GDF1: variants seen among roughly 807,000 people sequenced by gnomAD.
GDF1 encodes growth differentiation factor 1.
GDF1 carries 8 observed loss-of-function variants against 7.4 expected under a neutral mutation model. The observed-to-expected ratio is 1.09, with a 90% CI of 0.64 to 1.96. The LOEUF is 1.96. GDF1 is among the 30% of genes most tolerant of loss of function. GDF1 has a pLI of 0.00. For synonymous variants in GDF1, 311 were observed against 276.7 expected, an observed-to-expected ratio of 1.12 and a Z score of -1.23; for missense variants, 574 against 551.5, an observed-to-expected ratio of 1.04 and a Z score of -0.41.
At chr19:18,888,842 CAACA>C (rs1232064035) in intron 2 of GDF1, among the ~76,000 whole-genome samples, 1 of 150,454 alleles carries the variant, frequency 6.6e-6, no homozygotes, top group Non-Finnish European at 1.5e-5. Flanking sequence ...AAAAAACAAA[CAACA>C]AACAAACAAA....
intron 2 of GDF1, among the ~76,000 whole-genome samples, chr19:18,888,787 G>A (rs2056422945): frequency 6.6e-6 from 1 of 150,918 alleles, no homozygotes; most frequent in Non-Finnish European, 1.5e-5. Flanking sequence ...CCAAGATCGT[G>A]GCATTGTACT....
chr19:18,888,544 A>AC (rs1568304732), intron 2 of GDF1, among the ~76,000 whole-genome samples: 2 of 147,566 alleles, frequency 1.4e-5, no homozygotes, highest in Non-Finnish European at 3.0e-5. Flanking sequence ...AAAAAAAAAA[A>AC]AACAGGCTAG....
At chr19:18,877,220 T>C (rs900975257) in intron 6 of GDF1, among the ~76,000 whole-genome samples, 1 of 152,242 alleles carries the variant, frequency 6.6e-6, no homozygotes, top group African/African-American at 2.4e-5. Flanking sequence ...ATGCCAGCTC[T>C]TACCCTGTGT....
chr19:18,878,959 C>G lies in GDF1; in HGVS notation c.-342G>C. On this transcript the variant is annotated 5_prime_UTR_variant, in exon 6 of 8. Coordinates refer to ENST00000247005, the MANE Select transcript of GDF1 (RefSeq NM_001492.6). The surrounding 1 kb of genome is among the most constrained non-coding windows in gnomAD (Gnocchi z 4.6). The stretch of plus-strand genomic sequence containing the variant: ...CTTTGCTGGGCTTCAGGCTCTGGGC[C>G]TCGGCTGTGTCATACTCCCGCAGGT... 1 of 1,613,808 alleles carries G rather than the reference C, an allele frequency of 6.2e-7. No homozygotes were observed. The highest frequency in any genetic ancestry group is 8.5e-7 in the Non-Finnish European group (1 of 1,179,854).
chr19:18,869,989 C>G lies in GDF1; in HGVS notation c.319G>C (p.Asp107His). ...CAGCGAAAGCCCCACTCACCGCGGT[C>G]CGGGATGTGGCGCACGATGTTTCCG... ...VAGNIVRHIP[D>H]RGAPTRASEP... is the part of the protein sequence containing the mutation. Residue 107 changes from aspartate (D) to histidine (H), a missense_variant, in exon 7 of 8, where the codon GAC (aspartate) becomes CAC (histidine). Coordinates refer to ENST00000247005, the MANE Select transcript of GDF1 (RefSeq NM_001492.6). 1.3e-6 allele frequency: 2 copies of G among 1,590,922 alleles called. No homozygotes were observed. The highest frequency in any genetic ancestry group is 1.7e-6 in the Non-Finnish European group (2 of 1,170,314).
intron 6 of GDF1, among the ~76,000 whole-genome samples, chr19:18,872,628 G>A (rs960918600): frequency 5.3e-5 from 8 of 151,708 alleles, no homozygotes; most frequent in Non-Finnish European, 1.2e-4. Flanking sequence ...TGATTCTCCT[G>A]CCTCAGCCCC....
intron 2 of GDF1, among the ~76,000 whole-genome samples, chr19:18,892,647 C>T (rs1292403808): frequency 6.6e-6 from 1 of 152,032 alleles, no homozygotes; most frequent in Admixed American, 6.6e-5. Flanking sequence ...CAGAACAGAA[C>T]TCAAGCTGCT....
chr19:18,883,648 A>G (rs1457338682), intron 3 of GDF1, among the ~76,000 whole-genome samples: 1 of 152,136 alleles, frequency 6.6e-6, no homozygotes, highest in African/African-American at 2.4e-5. Context: ...GTTTGGACAG[A>G]CTCCATCTGA....
At position 18,868,677 on chromosome 19, in the gene GDF1, C is replaced by T. The variant is rs1215300649; in HGVS notation, c.1039G>A (p.Val347Met). ...TTGTCGCTGTTGTCAAAGAAGAGCA[C>T]GGAGATGGGCGACAGGCGCGCGGGC... Reference protein sequence around the residue: ...CVPARLSPISVLFFDNSDNVV... With the variant: ...CVPARLSPISMLFFDNSDNVV... The change falls in exon 8 of 8, where the codon GTG becomes ATG. Residue 347 changes from valine to methionine, a missense_variant. Physicochemically the swap from Val to Met is conservative, Grantham distance 21. Transcript: ENST00000247005. 5 of 1,570,854 alleles carry T rather than the reference C, an allele frequency of 3.2e-6. No individual in the cohort carries two copies. Among genetic ancestry groups the T allele is most frequent in the Admixed American group, 3.7e-5 (2 of 54,096 alleles).
chr19:18,878,345 C>T lies in GDF1; in HGVS notation c.-313+585G>A. ...GCTTCGGACACCATCTGGCTGTCAC[C>T]CAGGGCTGGTGAGGCTCGTGGGCTA... On this transcript the variant is annotated intron_variant, in intron 6 of 7. Transcript: ENST00000247005. This position sits in a 1 kb window ranked among gnomAD's most constrained non-coding sequence, Gnocchi z 4.6. The T allele has an allele frequency of 1.0e-6, 1 of 986,156 alleles. No individual in the cohort carries two copies. The highest frequency in any genetic ancestry group is 1.2e-6 in the Non-Finnish European group (1 of 830,654). The allele number at this position is 986,156 out of a possible 1,614,324, so 61.1% of individuals were successfully genotyped here.
chr19:18,868,864 C>T lies in GDF1; in HGVS notation c.852G>A (p.Trp284Ter). 1 of 1,440,958 alleles carries T rather than the reference C, an allele frequency of 6.9e-7. No homozygotes were observed. Among genetic ancestry groups the T allele is most frequent in the Non-Finnish European group, 9.2e-7 (1 of 1,089,712 alleles). The allele number at this position is 1,440,958 out of a possible 1,614,324, so 89.3% of individuals were successfully genotyped here. Residue 284 changes from tryptophan to a stop codon, truncating the protein, a stop_gained, in exon 8 of 8, where the codon TGG becomes TGA. Transcript: ENST00000247005. LOFTEE classifies it low-confidence loss of function (END_TRUNC). ...CCAGGAAGCCGCGCGGCGCGATGAC[C>T]CAGCGGTGCCAGCCCACCTCGCGGA... ...VSFREVGWHRWVIAPRGFLAN... is the reference protein window; with the variant it reads ...VSFREVGWHR
intron 1 of GDF1, among the ~76,000 whole-genome samples, chr19:18,894,268 C>T (rs1237794361): frequency 6.6e-6 from 1 of 151,684 alleles, no homozygotes; most frequent in Non-Finnish European, 1.5e-5. Flanking sequence ...GGTGGCGGGG[C>T]GCGGCTCCAG....
At chr19:18,886,368 T>A (rs1281133605) in intron 2 of GDF1, among the ~76,000 whole-genome samples, 3 of 151,916 alleles carry the variant, frequency 2.0e-5, no homozygotes, top group Non-Finnish European at 4.4e-5. Context: ...GTTAACACAG[T>A]GAAACCCCGT....
At position 18,878,094 on chromosome 19, in the gene GDF1, C is replaced by T; in HGVS notation, c.-313+836G>A. The T allele has an allele frequency of 1.0e-6, 1 of 985,640 alleles. No homozygotes were observed. The highest frequency in any genetic ancestry group is 1.2e-6 in the Non-Finnish European group (1 of 830,014). 61.1% of individuals were successfully genotyped at this position (985,640 alleles called of 1,614,324 possible). A position where few individuals can be genotyped will look rare whatever the true frequency, so the allele number is the denominator to read the frequency against. ...AACGTCACGGAGCTCTGAGCCACTG[C>T]TTCCCTGAAACCATCGTTCCCACGT... On this transcript the variant is annotated intron_variant, in intron 6 of 7. Coordinates refer to ENST00000247005, the MANE Select transcript of GDF1 (RefSeq NM_001492.6). This position sits in a 1 kb window ranked among gnomAD's most constrained non-coding sequence, Gnocchi z 4.6.
Position 18,868,602 on chromosome 19 carries a change from G to A in GDF1, c.1114C>T (p.Arg372Cys), listed in dbSNP as rs1304798916. 2.6e-6 allele frequency: 4 copies of A among 1,557,366 alleles called. No individual in the cohort carries two copies. The highest frequency in any genetic ancestry group is 1.4e-5 in the African/African-American group (1 of 73,522). ...GCGTCCCTGCCCGCCCCGGGTTAGC[G>A]GCAGCCGCACTCGTCCACCACCATG... ...EDMVVDECGC[R>C] The change falls in exon 8 of 8, where the codon CGC (arginine) becomes TGC (cysteine). Residue 372 changes from arginine to cysteine, a missense_variant. Arg to Cys is a radical substitution (Grantham distance 180). Transcript: ENST00000247005.
At chr19:18,894,249 G>A (rs2056569872) in intron 1 of GDF1, among the ~76,000 whole-genome samples, 1 of 151,598 alleles carries the variant, frequency 6.6e-6, no homozygotes, top group Non-Finnish European at 1.5e-5. Context: ...GGAGTGCGGT[G>A]GGTGGGTGGG....
chr19:18,870,217 C>CG lies in GDF1; in HGVS notation c.90dup (p.Val31ArgfsTer18). On this transcript the variant is annotated frameshift_variant, in exon 7 of 8. Transcript: ENST00000247005. LOFTEE classifies it high-confidence loss of function. This position sits in a 1 kb window ranked among gnomAD's most constrained non-coding sequence, Gnocchi z 5.1. ...AGGGCGGCGGCTGGGCCTGGGGGCA[C>CG]GGGGGCGCGGGTCAGGGGCAGCGAG... 2 of 1,554,084 alleles carry CG rather than the reference C, an allele frequency of 1.3e-6. No homozygotes were observed. Among genetic ancestry groups the CG allele is most frequent in the Non-Finnish European group, 8.7e-7 (1 of 1,155,440 alleles).
At chr19:18,890,328 G>A (rs1056765175) in intron 2 of GDF1, among the ~76,000 whole-genome samples, 1 of 152,200 alleles carries the variant, frequency 6.6e-6, no homozygotes, top group Non-Finnish European at 1.5e-5. Flanking sequence ...GATAGACTGC[G>A]TACTGCACCG....
intron 2 of GDF1, among the ~76,000 whole-genome samples, chr19:18,892,161 G>A (rs1380701062): frequency 2.0e-5 from 3 of 151,832 alleles, no homozygotes; most frequent in Non-Finnish European, 4.4e-5. Flanking sequence ...GCCTCCCAAA[G>A]TGCTGGGATA....
Sources: allele counts gnomAD v4.1 joint callset (sites outside exome capture counted in the v4.1 genomes callset), GRCh38; gene constraint gnomAD v4.1.1; non-coding constraint Gnocchi (gnomAD v3.1); transcripts MANE v1.5; gene names NCBI Gene and HGNC (gene_info 2026-07-23, HGNC 2026-07-21).